PCSK5: variants seen among roughly 807,000 people sequenced by gnomAD.
The protein encoded by PCSK5 is prohormone convertase 5.
Under a neutral mutation model 233.2 loss-of-function variants are expected in PCSK5, and 129 were observed. That is an observed-to-expected ratio of 0.55 (90% CI 0.48 to 0.64). The LOEUF (loss-of-function observed/expected upper bound fraction) is 0.64. Among genes scored for constraint, PCSK5 ranks in the 30% least tolerant of loss-of-function variants. The pLI is 0.00. For missense variants in PCSK5, 2,076 were observed against 2,430.1 expected, an observed-to-expected ratio of 0.85 and a Z score of 3.06; for synonymous variants, 825 against 879.2, an observed-to-expected ratio of 0.94 and a Z score of 1.09.
At chr9:76,272,817 A>T (rs1007089718) in intron 24 of PCSK5, among the ~76,000 whole-genome samples, 3 of 145,950 alleles carry the variant, frequency 2.1e-5, no homozygotes, top group African/African-American at 7.5e-5. Flanking sequence ...CACTCCCAAG[A>T]ATGCCATAAA....
intron 5 of PCSK5, among the ~76,000 whole-genome samples, chr9:76,046,160 GTTTTTTTTTTTTTTTTTTTTTT>G (rs71372041): frequency 3.4e-5 from 2 of 58,024 alleles, no homozygotes; most frequent in African/African-American, 6.8e-5. Context: ...TTTTTCTTTT[GTTTTTTTTTTTTTTTTTTTTTT>G]TTTTTTTTTT....
At chr9:76,221,102 C>G (rs7853238) in intron 20 of PCSK5, among the ~76,000 whole-genome samples, 1 of 152,148 alleles carries the variant, frequency 6.6e-6, no homozygotes, top group Non-Finnish European at 1.5e-5. Flanking sequence ...ACGGGCAAAA[C>G]AAACTGCTTG....
chr9:76,024,971 G>C (rs1428411715), intron 4 of PCSK5, among the ~76,000 whole-genome samples: 1 of 151,980 alleles, frequency 6.6e-6, no homozygotes, highest in East Asian at 1.9e-4. Flanking sequence ...CTCTGTTTCG[G>C]GCCTCTTTTT....
At chr9:76,300,998 C>T (rs986380686) in intron 27 of PCSK5, among the ~76,000 whole-genome samples, 21 of 152,124 alleles carry the variant, frequency 1.4e-4, no homozygotes, top group African/African-American at 4.8e-4. Flanking sequence ...TGGGGCCATG[C>T]GCAGTGGCTC....
chr9:76,314,388 CA>C (rs1387851608), intron 30 of PCSK5, among the ~76,000 whole-genome samples: 5 of 86,876 alleles, frequency 5.8e-5, no homozygotes, highest in African/African-American at 1.5e-4. Context: ...TAAACACACA[CA>C]AAAAAAGAAA....
At chr9:75,999,345 C>G (rs1827167685) in intron 3 of PCSK5, among the ~76,000 whole-genome samples, 3 of 152,012 alleles carry the variant, frequency 2.0e-5, no homozygotes, top group African/African-American at 7.3e-5. Flanking sequence ...CACACACACA[C>G]AGAAATATAG....
chr9:76,192,596 T>A (rs567988392), intron 20 of PCSK5, among the ~76,000 whole-genome samples: 8 of 83,912 alleles, frequency 9.5e-5, no homozygotes, highest in East Asian at 9.4e-4. Flanking sequence ...CATGACTACT[T>A]CTTCTTGTGT....
At chr9:76,094,025 C>T (rs1388656673) in intron 7 of PCSK5, among the ~76,000 whole-genome samples, 5 of 152,120 alleles carry the variant, frequency 3.3e-5, no homozygotes, top group South Asian at 2.1e-4. Flanking sequence ...GATGGTAAAC[C>T]GAGCCCAGCT....
In PCSK5 at chr9:76,145,893, A is replaced by T. The variant is rs569317269; in HGVS notation, c.1313-11152A>T. ...AACCAAATCCAAAGGCTCAAAAAGA[A>T]ATGCTGAAAATTAATCCTTCCCTGG... On this transcript the variant is annotated intron_variant, in intron 10 of 37. Transcript: ENST00000674117. Among the ~76,000 whole-genome samples the T allele has an allele frequency of 5.9e-5, 9 of 152,322 alleles. No homozygotes were observed. In the South Asian group the frequency reaches 1.9e-3, roughly 32 times the overall value.
chr9:76,359,219 G>C lies in PCSK5; in HGVS notation c.*297G>C. On this transcript the variant is annotated 3_prime_UTR_variant, in exon 38 of 38. Transcript: ENST00000674117. The stretch of plus-strand genomic sequence containing the variant: ...AAATGAAGGAAGTGAAAACAAATGA[G>C]ATTTGTACAAACTCTTCTATGTGAT... The C allele has an allele frequency of 2.8e-6, 1 of 360,560 alleles. No homozygotes were observed. The highest frequency in any genetic ancestry group is 5.1e-6 in the Non-Finnish European group (1 of 195,318). 22.3% of individuals were successfully genotyped at this position (360,560 alleles called of 1,614,324 possible).
Position 76,105,460 on chromosome 9 carries a change from T to G in PCSK5, c.1108-1791T>G, listed in dbSNP as rs191637611. ...AAAGCCTAGTGATATTGTACAAGCT[T>G]GTACATATATGGTTAGCAACATTGT... On this transcript the variant is annotated intron_variant, in intron 8 of 37. Transcript: ENST00000674117. Among the ~76,000 whole-genome samples, 82 of 152,354 alleles carry G rather than the reference T, an allele frequency of 5.4e-4. 2 individuals are homozygous for G. In the East Asian group the frequency reaches 0.013, roughly 25 times the overall value.
chr9:76,002,238 C>T (rs1447073611), intron 3 of PCSK5, among the ~76,000 whole-genome samples: 2 of 152,152 alleles, frequency 1.3e-5, no homozygotes, highest in South Asian at 4.1e-4. Context: ...TAGTATAGTG[C>T]AGGCATGCAT....
At position 76,157,506 on chromosome 9, in the gene PCSK5, G is replaced by A. The variant is rs529008517; in HGVS notation, c.1430+344G>A. Among the ~76,000 whole-genome samples the A allele has an allele frequency of 6.4e-4, 97 of 152,144 alleles. 3 individuals carry two copies. The highest frequency in any genetic ancestry group is 2.1e-3 in the African/African-American group (85 of 41,422). ...AAAAACTGTAACAACTCTATACTGC[G>A]TAGTTATCCAAAGAGTGGTACAAAA... is the stretch of plus-strand genomic sequence containing the variant. On this transcript the variant is annotated intron_variant, in intron 11 of 37. Coordinates refer to ENST00000674117, the MANE Select transcript of PCSK5 (RefSeq NM_001372043.1).
At chr9:76,199,184 C>T (rs140764986) in intron 20 of PCSK5, among the ~76,000 whole-genome samples, 82 of 152,242 alleles carry the variant, frequency 5.4e-4, no homozygotes, top group South Asian at 1.0e-3. Flanking sequence ...TTACACAAAC[C>T]TAGATGGCAT....
intron 2 of PCSK5, among the ~76,000 whole-genome samples, chr9:75,941,146 T>C (rs1412411728): frequency 1.3e-5 from 2 of 152,198 alleles, no homozygotes; most frequent in African/African-American, 4.8e-5. Flanking sequence ...CGGGCGCTCC[T>C]GGGTGTTTTC....
chr9:76,259,304 C>T (rs751715475), intron 24 of PCSK5, among the ~76,000 whole-genome samples: 32 of 152,278 alleles, frequency 2.1e-4, no homozygotes, highest in Admixed American at 2.0e-4. Context: ...TGCCCCAGGG[C>T]CCTGCACTAG....
At chr9:76,184,511 G>A (rs921566983) in intron 16 of PCSK5, among the ~76,000 whole-genome samples, 162 bp from the exon 17 acceptor site, 1 of 152,210 alleles carries the variant, frequency 6.6e-6, no homozygotes, top group South Asian at 2.1e-4. Flanking sequence ...TACTTGGTTT[G>A]CTGAGAAATG....
intron 1 of PCSK5, among the ~76,000 whole-genome samples, chr9:75,903,587 T>A (rs1456131316): frequency 5.7e-5 from 8 of 140,884 alleles, no homozygotes; most frequent in Non-Finnish European, 1.5e-5. Flanking sequence ...TATATATATA[T>A]AAAATATATA....
chr9:76,215,766 C>T (rs1479523692), intron 20 of PCSK5, among the ~76,000 whole-genome samples: 1 of 152,002 alleles, frequency 6.6e-6, no homozygotes, highest in Non-Finnish European at 1.5e-5. Flanking sequence ...ATGGTGAAAC[C>T]CAGTCTCTAC....
Sources: gnomAD v4.1 joint callset for allele counts (sites outside exome capture counted in the v4.1 genomes callset) on GRCh38, gnomAD v4.1.1 for gene constraint, MANE v1.5 for transcripts, NCBI Gene and HGNC (gene_info 2026-07-23, HGNC 2026-07-21) for gene names.